DISP1: variants seen among roughly 807,000 people sequenced by gnomAD.
DISP1 encodes protein dispatched homolog 1.
In DISP1, 30 loss-of-function variants were observed where a neutral mutation model predicts 37.3. The observed-to-expected ratio is 0.80, with a 90% CI of 0.60 to 1.09. The LOEUF (loss-of-function observed/expected upper bound fraction) is 1.09, where lower values mean the gene tolerates loss of function less well. Ranked by LOEUF, DISP1 falls within the 50% of genes least tolerant of loss-of-function variation. The pLI is 0.00. For synonymous variants in DISP1, 634 were observed against 690.2 expected, an observed-to-expected ratio of 0.92 and a Z score of 1.28; for missense variants, 1,598 against 1,879.5, an observed-to-expected ratio of 0.85 and a Z score of 2.77.
intron 4 of DISP1, among the ~76,000 whole-genome samples, chr1:222,990,414 C>T (rs530081208): frequency 1.3e-5 from 2 of 152,194 alleles, no homozygotes; most frequent in South Asian, 4.1e-4. Context: ...GGACAATGAT[C>T]TTGTAACTTT....
At chr1:222,936,812 ATT>A (rs1491135894) in intron 2 of DISP1, among the ~76,000 whole-genome samples, 67 of 39,238 alleles carry the variant, frequency 1.7e-3, no homozygotes, top group Non-Finnish European at 2.7e-3. Flanking sequence ...ATATATATAA[ATT>A]ATATATAATA....
rs77840442 is a variant in DISP1 at position 222,984,064 on chromosome 1, A to G, written c.539+955A>G. 8.0e-3 allele frequency among the ~76,000 whole-genome samples: 1,220 copies of G among 152,096 alleles called. 21 individuals carry two copies. Among genetic ancestry groups the G allele is most frequent in the African/African-American group, 0.028 (1,157 of 41,408 alleles). Reference sequence around the variant, plus strand: ...ATTACTACATAAATATTAATTAGTAAACTCTCCTTCTATTTAAAAAAAAAT... The same window carrying G: ...ATTACTACATAAATATTAATTAGTAGACTCTCCTTCTATTTAAAAAAAAAT... On this transcript the variant is annotated intron_variant, in intron 4 of 8. Transcript: ENST00000675850.
At chr1:222,816,105 AT>A (rs1661182058) in intron 1 of DISP1, among the ~76,000 whole-genome samples, 1 of 142,846 alleles carries the variant, frequency 7.0e-6, no homozygotes. Context: ...ATATATATAA[AT>A]ATTTGCCATT....
chr1:222,819,251 T>C (rs918388949), intron 1 of DISP1, among the ~76,000 whole-genome samples: 2 of 152,232 alleles, frequency 1.3e-5, no homozygotes, highest in African/African-American at 4.8e-5. Context: ...CAGCTATGCT[T>C]CCTGTACAGC....
intron 1 of DISP1, among the ~76,000 whole-genome samples, chr1:222,915,165 G>A (rs532501467): frequency 1.2e-4 from 19 of 152,300 alleles, no homozygotes; most frequent in East Asian, 3.9e-4. Context: ...ATTGGGAAAA[G>A]CAATTGTTTC....
rs148665130 is a variant in DISP1, at chr1:222,918,595, G to A, written c.-158-9835G>A. Among the ~76,000 whole-genome samples the A allele has an allele frequency of 3.1e-3, 465 of 152,330 alleles. 6 individuals carry two copies. Among genetic ancestry groups the A allele is most frequent in the African/African-American group, 0.01 (422 of 41,574 alleles). ...CATGGGAAGTTTATCACAACCCATA[G>A]TATCTAGTAGACCCACTTGTGCAGT... On this transcript the variant is annotated intron_variant, in intron 1 of 8. Coordinates refer to ENST00000675850, the MANE Select transcript of DISP1 (RefSeq NM_001377229.1).
chr1:222,957,338 C>T (rs182096691), intron 3 of DISP1, among the ~76,000 whole-genome samples: 3 of 152,232 alleles, frequency 2.0e-5, no homozygotes, highest in East Asian at 1.9e-4. Flanking sequence ...CCTGTAATCC[C>T]AGCTCTTTGG....
At chr1:222,861,485 G>A (rs931807925) in intron 1 of DISP1, among the ~76,000 whole-genome samples, 4 of 152,142 alleles carry the variant, frequency 2.6e-5, no homozygotes, top group African/African-American at 9.7e-5. Context: ...AAGAGATTAT[G>A]TAATGTTTAA....
In DISP1 at chr1:223,002,691, G is replaced by A. The variant is rs1679552874; in HGVS notation, c.1294G>A (p.Val432Met). 4 of 1,613,990 alleles carry A rather than the reference G, an allele frequency of 2.5e-6. No individual in the cohort carries two copies. The South Asian group carries it at 4.4e-5, about 18-fold the overall frequency. The change falls in exon 9 of 9, where the codon GTG becomes ATG. Residue 432 changes from valine (V) to methionine (M), a missense_variant. Transcript: ENST00000675850. ...TGTGTACCAGATCCTCCATTACTTG[G>A]TGGACAAAGACTTTATGACCCCAAA... ...NAVYQILHYL[V>M]DKDFMTPKTA...
At chr1:222,992,818 G>A (rs1388763992) in intron 7 of DISP1, among the ~76,000 whole-genome samples, 1 of 150,866 alleles carries the variant, frequency 6.6e-6, no homozygotes, top group Admixed American at 6.6e-5. Flanking sequence ...TTCTAGAAAT[G>A]AGGGCCCAAA....
At chr1:222,978,737 A>T (rs1213340301) in intron 3 of DISP1, among the ~76,000 whole-genome samples, 1 of 152,210 alleles carries the variant, frequency 6.6e-6, no homozygotes, top group African/African-American at 2.4e-5. Context: ...CTTTCTACAT[A>T]TGGCTAGCCA....
At chr1:222,993,402 G>A (rs2102753825) in intron 7 of DISP1, among the ~76,000 whole-genome samples, 1 of 152,284 alleles carries the variant, frequency 6.6e-6, no homozygotes, top group East Asian at 1.9e-4. Flanking sequence ...TAACATTAAA[G>A]CTCTTTTGAT....
At chr1:222,895,651 C>T (rs1671207720) in intron 1 of DISP1, among the ~76,000 whole-genome samples, 1 of 152,168 alleles carries the variant, frequency 6.6e-6, no homozygotes, top group Non-Finnish European at 1.5e-5. Flanking sequence ...CTGAAAGACT[C>T]ACACATACAT....
intron 1 of DISP1, among the ~76,000 whole-genome samples, chr1:222,821,735 C>T (rs533808648): frequency 7.9e-5 from 12 of 152,074 alleles, no homozygotes; most frequent in South Asian, 4.2e-4. Context: ...AAATATTAGC[C>T]GGGTGTGGTG....
chr1:222,845,608 G>A (rs78840190), intron 1 of DISP1, among the ~76,000 whole-genome samples: 174 of 152,094 alleles, frequency 1.1e-3, no homozygotes, highest in African/African-American at 4.1e-3. Flanking sequence ...TTGAGTTTCT[G>A]GATTTTTGAA....
At chr1:222,940,761 ATTCCC>A (rs1476492018) in intron 2 of DISP1, among the ~76,000 whole-genome samples, 3 of 152,216 alleles carry the variant, frequency 2.0e-5, no homozygotes, top group African/African-American at 7.2e-5. Context: ...AGCCCAGCAG[ATTCCC>A]ATCAGCTGTG....
chr1:222,866,586 G>T, intron 1 of DISP1, among the ~76,000 whole-genome samples: 1 of 151,932 alleles, frequency 6.6e-6, no homozygotes, highest in South Asian at 2.1e-4. Context: ...CTTGTGATCC[G>T]CCCCACTAGG....
chr1:222,927,915 C>A (rs1330245404), intron 1 of DISP1, among the ~76,000 whole-genome samples: 1 of 152,206 alleles, frequency 6.6e-6, no homozygotes, highest in Non-Finnish European at 1.5e-5. Flanking sequence ...AAAGAAGATT[C>A]TACCTCTTTT....
At chr1:222,836,580 A>G (rs1161673356) in intron 1 of DISP1, among the ~76,000 whole-genome samples, 1 of 152,032 alleles carries the variant, frequency 6.6e-6, no homozygotes, top group Non-Finnish European at 1.5e-5. Context: ...AACTCATTTA[A>G]TCTCTGAGTT....
Sources: gnomAD v4.1 joint callset for allele counts (sites outside exome capture counted in the v4.1 genomes callset) on GRCh38, gnomAD v4.1.1 for gene constraint, MANE v1.5 for transcripts, NCBI Gene and HGNC (gene_info 2026-07-23, HGNC 2026-07-21) for gene names.